The following SLC35F4 variants were observed in gnomAD, a reference collection of about 807,000 sequenced individuals.
SLC35F4 encodes the protein solute carrier family 35 member F4.
A neutral mutation model predicts 44.2 loss-of-function variants in SLC35F4; 24 were observed. The observed-to-expected ratio is 0.54, with a 90% CI of 0.39 to 0.76. SLC35F4 has a LOEUF of 0.76. Among genes scored for constraint, SLC35F4 ranks in the 30% least tolerant of loss-of-function variants. The probability of loss-of-function intolerance (pLI) is 0.00; values close to 1 mark genes in which losing one functional copy is unlikely to be tolerated. For missense variants in SLC35F4, 562 were observed against 586.1 expected (o/e 0.96, Z 0.42); for synonymous variants, 238 against 223.6 (o/e 1.06, Z -0.57).
chr14:57,722,519 G>C (rs997366993), intron 1 of SLC35F4, among the ~76,000 whole-genome samples: 1 of 152,176 alleles, frequency 6.6e-6, no homozygotes, highest in Non-Finnish European at 1.5e-5. Context: ...CTGTATGTTA[G>C]ATCCAACAGT....
At chr14:57,727,292 G>T (rs1332231499) in intron 1 of SLC35F4, among the ~76,000 whole-genome samples, 1 of 151,562 alleles carries the variant, frequency 6.6e-6, no homozygotes, top group Non-Finnish European at 1.5e-5. Flanking sequence ...ATTTTATTTG[G>T]ATATTCTCTA....
intron 4 of SLC35F4, chr14:57,580,918 G>GAGGTGAAC (rs1318662782): frequency 4.1e-6 from 1 of 242,482 alleles, no homozygotes; most frequent in Non-Finnish European, 7.9e-6. Flanking sequence ...AGGACAGAAG[G>GAGGTGAAC]AGGTGAACAC....
At chr14:57,923,687 T>G (rs1242615664) in intron 1 of SLC35F4, among the ~76,000 whole-genome samples, 1 of 152,246 alleles carries the variant, frequency 6.6e-6, no homozygotes, top group Non-Finnish European at 1.5e-5. Context: ...CTCTGTTTTG[T>G]GGATTGACTT....
upstream of SLC35F4, among the ~76,000 whole-genome samples, chr14:57,868,054 T>A (rs1342480652): frequency 1.3e-5 from 2 of 152,210 alleles, no homozygotes; most frequent in African/African-American, 4.8e-5. Context: ...TTCATAAATC[T>A]CCATAGAAGT....
chr14:57,646,464 G>A (rs1410421710), intron 1 of SLC35F4, among the ~76,000 whole-genome samples: 2 of 152,118 alleles, frequency 1.3e-5, no homozygotes, highest in Non-Finnish European at 1.5e-5. Flanking sequence ...GGGATCGGTG[G>A]TGATATCCCC....
intron 1 of SLC35F4, among the ~76,000 whole-genome samples, chr14:57,845,863 T>C (rs557773110): frequency 6.6e-6 from 1 of 152,270 alleles, no homozygotes; most frequent in Admixed American, 6.5e-5. Flanking sequence ...AAAGGGCATA[T>C]CCCCTTCTCT....
intron 1 of SLC35F4, among the ~76,000 whole-genome samples, chr14:57,719,075 A>G (rs1341587896): frequency 1.3e-5 from 2 of 152,214 alleles, no homozygotes; most frequent in Non-Finnish European, 2.9e-5. Context: ...TTTTCTCAGC[A>G]GCATTGATTG....
chr14:57,574,359 A>G (rs1035638002), intron 4 of SLC35F4, among the ~76,000 whole-genome samples: 2 of 152,228 alleles, frequency 1.3e-5, no homozygotes, highest in African/African-American at 4.8e-5. Context: ...GACCACTTAA[A>G]TTGACATGTC....
chr14:57,871,589 T>C (rs1268227366), intron 1 of SLC35F4, among the ~76,000 whole-genome samples: 1 of 152,196 alleles, frequency 6.6e-6, no homozygotes, highest in African/African-American at 2.4e-5. Flanking sequence ...TTCTGTAACA[T>C]TAACTGCTAA....
intron 1 of SLC35F4, among the ~76,000 whole-genome samples, chr14:57,611,461 C>T (rs940598237): frequency 4.6e-5 from 7 of 151,736 alleles, no homozygotes; most frequent in East Asian, 1.9e-4. Context: ...ATGAACACCC[C>T]GGGGAACAGT....
At chr14:57,955,886 A>G (rs1311567433) in intron 1 of SLC35F4, among the ~76,000 whole-genome samples, 1 of 152,226 alleles carries the variant, frequency 6.6e-6, no homozygotes, top group Admixed American at 6.5e-5. Flanking sequence ...TATAGATTCA[A>G]TGCTATACTC....
chr14:57,970,709 G>A (rs543170377), intron 1 of SLC35F4, among the ~76,000 whole-genome samples: 3 of 152,256 alleles, frequency 2.0e-5, no homozygotes, highest in Non-Finnish European at 2.9e-5. Flanking sequence ...ATCAGACCTT[G>A]GGAGTTGGCT....
intron 1 of SLC35F4, among the ~76,000 whole-genome samples, chr14:57,953,637 G>A (rs1890182978): frequency 6.6e-6 from 1 of 152,104 alleles, no homozygotes; most frequent in Non-Finnish European, 1.5e-5. Flanking sequence ...CCTAGTCTCT[G>A]ATAAAACAGA....
Position 57,598,026 on chromosome 14 carries a change from A to G in SLC35F4, c.104-3902T>C, listed in dbSNP as rs141531635. ...CTAGGAATCCAAACTAAATTGGTTT[A>G]AAGCTAAAAGGGGAGTTTTTAGGAG... On this transcript the variant is annotated intron_variant, in intron 1 of 7. Transcript: ENST00000556826. Among the ~76,000 whole-genome samples, 29 of 152,342 alleles carry G rather than the reference A, an allele frequency of 1.9e-4. No individual in the cohort carries two copies. The East Asian group carries it at 3.5e-3, about 18-fold the overall frequency.
At chr14:57,620,917 C>G (rs185110802) in intron 1 of SLC35F4, among the ~76,000 whole-genome samples, 1 of 151,902 alleles carries the variant, frequency 6.6e-6, no homozygotes, top group African/African-American at 2.4e-5. Context: ...TCTAGAAAAC[C>G]CCATCATCTC....
intron 1 of SLC35F4, among the ~76,000 whole-genome samples, chr14:57,968,432 C>A (rs1880955990): frequency 6.6e-6 from 1 of 152,194 alleles, no homozygotes; most frequent in African/African-American, 2.4e-5. Flanking sequence ...ATGACTACTG[C>A]CACAGTTTAT....
At chr14:57,876,169 G>A (rs998690928) in intron 1 of SLC35F4, among the ~76,000 whole-genome samples, 4 of 152,116 alleles carry the variant, frequency 2.6e-5, no homozygotes, top group African/African-American at 9.7e-5. Flanking sequence ...GCATAATGTT[G>A]GTACAATCAG....
chr14:57,908,964 C>T (rs1156353176), intron 1 of SLC35F4, among the ~76,000 whole-genome samples: 1 of 151,976 alleles, frequency 6.6e-6, no homozygotes, highest in Non-Finnish European at 1.5e-5. Flanking sequence ...TTTTGTATAA[C>T]GTGTAAGGAA....
intron 1 of SLC35F4, among the ~76,000 whole-genome samples, chr14:57,604,719 A>T (rs569660182): frequency 6.6e-6 from 1 of 152,378 alleles, no homozygotes; most frequent in African/African-American, 2.4e-5. Context: ...CTACAAGGCT[A>T]CAGTAAACAA....
Sources: allele counts gnomAD v4.1 joint callset (sites outside exome capture counted in the v4.1 genomes callset), GRCh38; gene constraint gnomAD v4.1.1; transcripts MANE v1.5; gene names NCBI Gene and HGNC (gene_info 2026-07-23, HGNC 2026-07-21).